WDPCP: variants seen among roughly 807,000 people sequenced by gnomAD.
The protein encoded by WDPCP is WD repeat-containing and planar cell polarity effector protein fritz homolog.
Under a neutral mutation model 93.1 loss-of-function variants are expected in WDPCP, and 71 were observed. That is an observed-to-expected ratio of 0.76 (90% CI 0.63 to 0.93). The LOEUF is 0.93. WDPCP is among the 40% of genes least tolerant of loss of function. WDPCP has a pLI of 0.00. For synonymous variants in WDPCP, 315 were observed against 315.0 expected (o/e 1.00, Z 0.00); for missense variants, 844 against 887.4 (o/e 0.95, Z 0.62).
At chr2:63,700,577 T>C (rs574907768) in intron 2 of WDPCP, among the ~76,000 whole-genome samples, 43 of 152,292 alleles carry the variant, frequency 2.8e-4, no homozygotes, top group Non-Finnish European at 5.7e-4. Flanking sequence ...CCTTTACTGA[T>C]TTTTTTCTAA....
intron 13 of WDPCP, among the ~76,000 whole-genome samples, chr2:63,305,943 A>G (rs1559303783): frequency 6.6e-6 from 1 of 152,220 alleles, no homozygotes. Flanking sequence ...ACCCTTCAAA[A>G]ATCAATGAAT....
chr2:63,771,300 A>G lies in WDPCP; in HGVS notation n.308+42322T>C, dbSNP rs536623493. Among the ~76,000 whole-genome samples, 22 of 152,026 alleles carry G rather than the reference A, an allele frequency of 1.4e-4. No homozygotes were observed. In the South Asian group the frequency reaches 4.3e-3, roughly 30 times the overall value. On this transcript the variant is annotated intron_variant and non_coding_transcript_variant, in intron 2 of 4. Transcript: ENST00000467687. ...GTTAATTGATTTGAAATTTTAATAA[A>G]TTGATAAATTCCTAACAATATAAAA...
intron 3 of WDPCP, among the ~76,000 whole-genome samples, chr2:63,603,339 CAA>C (rs1709464780): frequency 6.6e-6 from 1 of 152,282 alleles, no homozygotes; most frequent in African/African-American, 2.4e-5. Flanking sequence ...CTTAAAATAT[CAA>C]AGTGTATTCC....
At chr2:63,687,933 T>C (rs1668833241) in intron 2 of WDPCP, among the ~76,000 whole-genome samples, 1 of 152,186 alleles carries the variant, frequency 6.6e-6, no homozygotes, top group African/African-American at 2.4e-5. Context: ...TTTGGAAGCA[T>C]CCCAAGTGTC....
chr2:63,395,651 T>C (rs1693659946), intron 10 of WDPCP, among the ~76,000 whole-genome samples: 1 of 152,150 alleles, frequency 6.6e-6, no homozygotes, highest in Non-Finnish European at 1.5e-5. Flanking sequence ...GAGAGAATTT[T>C]TTGGGATGAC....
In WDPCP at chr2:63,395,464, T is replaced by C. The variant is rs533760350; in HGVS notation, c.1435+8584A>G. ...GTGTACCCACTGTTTAGCTCCCACC[T>C]ATAAATGAGAATGTGCAGTTTTTGA... On this transcript the variant is annotated intron_variant, in intron 10 of 17. Transcript: ENST00000272321. Among the ~76,000 whole-genome samples the C allele has an allele frequency of 3.3e-5, 5 of 152,296 alleles. 1 individual carries two copies. The Middle Eastern group carries it at 0.014, about 414-fold the overall frequency.
chr2:63,407,355 T>C (rs1222016608), intron 9 of WDPCP, among the ~76,000 whole-genome samples: 1 of 152,142 alleles, frequency 6.6e-6, no homozygotes, highest in African/African-American at 2.4e-5. Context: ...AGGGAGGATA[T>C]TGTGTGATAG....
chr2:63,732,310 T>G (rs1480287581), intron 2 of WDPCP, among the ~76,000 whole-genome samples: 1 of 152,196 alleles, frequency 6.6e-6, no homozygotes, highest in African/African-American at 2.4e-5. Flanking sequence ...AAGACTAGGC[T>G]TATGCCCCAA....
At chr2:63,640,856 T>A (rs1443176159) in intron 3 of WDPCP, among the ~76,000 whole-genome samples, 1 of 152,190 alleles carries the variant, frequency 6.6e-6, no homozygotes, top group Non-Finnish European at 1.5e-5. Flanking sequence ...AAATGTACAA[T>A]TAAATTATTA....
At chr2:63,434,051 G>A in intron 8 of WDPCP, 115 bp from the exon 9 acceptor site, 1 of 1,027,884 alleles carries the variant, frequency 9.7e-7, no homozygotes, top group East Asian at 2.6e-5. Context: ...AAATATGCAT[G>A]TTAAACATGT....
At chr2:63,211,094 C>A (rs1457479672) in intron 14 of WDPCP, among the ~76,000 whole-genome samples, 1 of 152,178 alleles carries the variant, frequency 6.6e-6, no homozygotes, top group Non-Finnish European at 1.5e-5. Context: ...TGTCAGACAG[C>A]CTTGAAGAGA....
At chr2:63,819,980 T>C (rs1326245212) in intron 1 of WDPCP, among the ~76,000 whole-genome samples, 1 of 152,180 alleles carries the variant, frequency 6.6e-6, no homozygotes, top group African/African-American at 2.4e-5. Flanking sequence ...TTGCTTTTAG[T>C]CCCTGAGTTG....
At chr2:63,136,418 GAC>G (rs1221705518) in intron 17 of WDPCP, among the ~76,000 whole-genome samples, 2 of 151,988 alleles carry the variant, frequency 1.3e-5, no homozygotes, top group African/African-American at 4.8e-5. Flanking sequence ...AAGAGAAAGA[GAC>G]AATCTATTAT....
chr2:63,427,364 T>A (rs890755217), intron 9 of WDPCP, among the ~76,000 whole-genome samples: 3 of 152,130 alleles, frequency 2.0e-5, no homozygotes, highest in Admixed American at 1.3e-4. Context: ...TAAATTTTTT[T>A]AAAAATCAAA....
chr2:63,212,402 C>A (rs1056422867), intron 14 of WDPCP, among the ~76,000 whole-genome samples: 1 of 152,134 alleles, frequency 6.6e-6, no homozygotes, highest in African/African-American at 2.4e-5. Flanking sequence ...AAATCCTTTA[C>A]AGACAAGCAA....
intron 10 of WDPCP, among the ~76,000 whole-genome samples, chr2:63,391,958 G>T (rs1393494164): frequency 6.6e-6 from 1 of 152,032 alleles, no homozygotes; most frequent in Non-Finnish European, 1.5e-5. Context: ...TGGCCATACT[G>T]CCCAAGGTAA....
At chr2:63,166,441 C>G (rs1315202788) in intron 15 of WDPCP, among the ~76,000 whole-genome samples, 1 of 151,810 alleles carries the variant, frequency 6.6e-6, no homozygotes, top group Non-Finnish European at 1.5e-5. Context: ...GGGTCTTGCT[C>G]TGTCACCCAG....
At chr2:63,327,829 C>G (rs1351988171) in intron 12 of WDPCP, among the ~76,000 whole-genome samples, 2 of 152,130 alleles carry the variant, frequency 1.3e-5, no homozygotes, top group African/African-American at 4.8e-5. Context: ...GGCCATCAAG[C>G]TACAGATGGT....
At chr2:63,748,779 C>T (rs1342023023) in intron 2 of WDPCP, among the ~76,000 whole-genome samples, 1 of 151,882 alleles carries the variant, frequency 6.6e-6, no homozygotes, top group Admixed American at 6.6e-5. Flanking sequence ...TTTGTTCACT[C>T]GTATATTTTG....
Sources: gnomAD v4.1 joint callset for allele counts (sites outside exome capture counted in the v4.1 genomes callset) on GRCh38, gnomAD v4.1.1 for gene constraint, MANE v1.5 for transcripts, NCBI Gene and HGNC (gene_info 2026-07-23, HGNC 2026-07-21) for gene names.